The following FAT1 variants were observed in gnomAD, a reference collection of about 807,000 sequenced individuals.
The protein encoded by FAT1 is FAT atypical cadherin 1.
A neutral mutation model predicts 329.8 loss-of-function variants in FAT1; 171 were observed. The observed-to-expected ratio is 0.52, with a 90% CI of 0.46 to 0.59. The LOEUF (loss-of-function observed/expected upper bound fraction) is 0.59. Among genes scored for constraint, FAT1 ranks in the 20% least tolerant of loss-of-function variants. The pLI is 0.00. For synonymous variants in FAT1, 2,233 were observed against 2,228.6 expected (o/e 1.00, Z -0.06); for missense variants, 5,672 against 5,774.4 (o/e 0.98, Z 0.57).
At chr4:186,591,636 C>A (rs1738243324) in intron 26 of FAT1, among the ~76,000 whole-genome samples, 1 of 152,174 alleles carries the variant, frequency 6.6e-6, no homozygotes, top group Non-Finnish European at 1.5e-5. Flanking sequence ...ATTTAAAATG[C>A]TGAAGGTCAT....
intron 16 of FAT1, among the ~76,000 whole-genome samples, chr4:186,607,145 T>C (rs116341286): frequency 0.012 from 1,808 of 152,344 alleles, 37 homozygotes; most frequent in African/African-American, 0.042. Context: ...AGGTATCTCA[T>C]CACTATCTCC....
intron 4 of FAT1, 109 bp downstream of exon 4, chr4:186,639,613 A>G (rs961881383): frequency 1.4e-6 from 1 of 728,404 alleles, no homozygotes; most frequent in Non-Finnish European, 2.2e-6. Flanking sequence ...ATATTAATAC[A>G]ACAAAATATT....
intron 2 of FAT1, among the ~76,000 whole-genome samples, chr4:186,666,132 A>C (rs750643288): frequency 9.2e-5 from 14 of 151,928 alleles, no homozygotes; most frequent in African/African-American, 3.4e-4. Context: ...ACATGTATAC[A>C]TATGTAACAA....
rs917212725 is a variant in FAT1 at position 186,639,910 on chromosome 4, G to C, written c.3581-127C>G. 4 of 714,636 alleles carry C rather than the reference G, an allele frequency of 5.6e-6. No individual in the cohort carries two copies. In the African/African-American group the frequency reaches 7.2e-5, roughly 13 times the overall value. 44.3% of individuals were successfully genotyped at this position (714,636 alleles called of 1,614,324 possible). ...TAATCCCAGCACTTTGGGAGGCCCA[G>C]GGGGGTGGATTACTTAAGGTCAGGA... On this transcript the variant is annotated intron_variant, in intron 3 of 26. Coordinates refer to ENST00000441802, the MANE Select transcript of FAT1 (RefSeq NM_005245.4).
chr4:186,636,312 GT>G, intron 5 of FAT1, 77 bp from the exon 6 acceptor site: 1 of 1,377,354 alleles, frequency 7.3e-7, no homozygotes, highest in South Asian at 1.2e-5. Context: ...GCACAGACTG[GT>G]TTGGTCTTAA....
Position 186,603,385 on chromosome 4 carries a change from T to A in FAT1, c.11141A>T (p.Lys3714Met), listed in dbSNP as rs780196845. 2 of 1,613,898 alleles carry A rather than the reference T, an allele frequency of 1.2e-6. No homozygotes were observed. The highest frequency in any genetic ancestry group is 1.3e-5 in the African/African-American group (1 of 74,922). Residue 3714 changes from lysine to methionine, a missense_variant, in exon 19 of 27, where the codon AAG (lysine) becomes ATG (methionine). Physicochemically the swap from Lys to Met is moderately conservative, Grantham distance 95. Coordinates refer to ENST00000441802, the MANE Select transcript of FAT1 (RefSeq NM_005245.4). Reference sequence around the variant, plus strand: ...AATGTCAGTCACGGAAGAGTTAATCTTGTGCAGAAGTTGTTTTGTTGAGAT... The same window carrying A: ...AATGTCAGTCACGGAAGAGTTAATCATGTGCAGAAGTTGTTTTGTTGAGAT... ...AQISTKQLLHKINSSVTDIEE... is the reference protein window; with the variant it reads ...AQISTKQLLHMINSSVTDIEE...
At chr4:186,644,138 C>A (rs1048977344) in intron 3 of FAT1, among the ~76,000 whole-genome samples, 1 of 152,030 alleles carries the variant, frequency 6.6e-6, no homozygotes, top group Non-Finnish European at 1.5e-5. Context: ...CTCAGATGAG[C>A]GTTTTTTTCT....
At position 186,698,626 on chromosome 4, in the gene FAT1, C is replaced by T. The variant is rs73873701; in HGVS notation, c.3265+7937G>A. ...TGCCCAAAGGCAGGGAGACAGAAAACGGCGAGGCACAGAGGGGTAGAGGGC... is the reference window on the plus strand; with the variant it reads ...TGCCCAAAGGCAGGGAGACAGAAAATGGCGAGGCACAGAGGGGTAGAGGGC... On this transcript the variant is annotated intron_variant, in intron 2 of 26. Coordinates refer to ENST00000441802, the MANE Select transcript of FAT1 (RefSeq NM_005245.4). Among the ~76,000 whole-genome samples the T allele has an allele frequency of 8.9e-3, 1,361 of 152,266 alleles. 17 individuals are homozygous for T. The highest frequency in any genetic ancestry group is 0.03 in the African/African-American group (1,245 of 41,546).
intron 3 of FAT1, among the ~76,000 whole-genome samples, chr4:186,651,932 G>A (rs909914034): frequency 4.6e-5 from 7 of 152,184 alleles, no homozygotes; most frequent in Non-Finnish European, 8.8e-5. Context: ...TACTGGTGCC[G>A]GCAGGATTAG....
intron 2 of FAT1, among the ~76,000 whole-genome samples, chr4:186,689,509 C>CGA (rs1220185649): frequency 2.0e-5 from 3 of 152,028 alleles, no homozygotes; most frequent in Non-Finnish European, 2.9e-5. Context: ...TTAACCAAAG[C>CGA]GAGAGAGAGT....
In FAT1 at chr4:186,620,321, C is replaced by T. The variant is rs76613365; in HGVS notation, c.6265G>A (p.Val2089Ile). 325 of 1,613,998 alleles carry T rather than the reference C, an allele frequency of 2.0e-4. 1 individual carries two copies. The East Asian group carries it at 2.2e-3, about 11-fold the overall frequency. ...PVFVNLPYYA[V>I]VKVDTEVGHV... ...CCCACCTCAGTGTCCACTTTAACAA[C>T]GGCGTAGTAGGGAAGGTTGACAAAC... Residue 2089 changes from valine to isoleucine, a missense_variant, in exon 10 of 27, where the codon GTT becomes ATT. Around this residue, in one of 2 missense-constraint regions of FAT1, gnomAD observed 3,966 missense variants for 3,915.2 expected, o/e 1.01. Coordinates refer to ENST00000441802, the MANE Select transcript of FAT1 (RefSeq NM_005245.4).
At chr4:186,723,939 T>C (rs1745602494), upstream of FAT1, 1 of 150,804 alleles carries the variant, frequency 6.6e-6, no homozygotes, top group Admixed American at 6.6e-5. Flanking sequence ...TCGAGCCCAC[T>C]TTCCCCGGCT....
chr4:186,671,303 AAAT>A lies in FAT1; in HGVS notation c.3266-7693_3266-7691del, dbSNP rs1302674069. ...CTAATTCAAAATATAATTTACTGTA[AAAT>A]AATAAAAAAATATTACTTGTTTTGC... is the stretch of plus-strand genomic sequence containing the variant. On this transcript the variant is annotated intron_variant, in intron 2 of 26. Coordinates refer to ENST00000441802, the MANE Select transcript of FAT1 (RefSeq NM_005245.4). Among the ~76,000 whole-genome samples, 5 of 152,308 alleles carry A rather than the reference AAAT, an allele frequency of 3.3e-5. No individual in the cohort carries two copies. The East Asian group carries it at 5.8e-4, about 18-fold the overall frequency.
chr4:186,628,060 G>A, intron 9 of FAT1, 94 bp downstream of exon 9: 2 of 1,340,598 alleles, frequency 1.5e-6, no homozygotes, highest in South Asian at 2.6e-5. Context: ...CAGATACATA[G>A]AAATGCTTCA....
At chr4:186,716,236 CAT>C (rs1389504480) in intron 1 of FAT1, among the ~76,000 whole-genome samples, 1 of 152,152 alleles carries the variant, frequency 6.6e-6, no homozygotes, top group Non-Finnish European at 1.5e-5. Context: ...TTTCATTTCA[CAT>C]GTTATGATAA....
At chr4:186,690,288 C>T (rs551425549) in intron 2 of FAT1, among the ~76,000 whole-genome samples, 17 of 152,242 alleles carry the variant, frequency 1.1e-4, no homozygotes, top group African/African-American at 4.1e-4. Context: ...AGAAACAAAA[C>T]CATTCCCACC....
chr4:186,588,810 C>T lies in FAT1; in HGVS notation c.13549G>A (p.Ala4517Thr), dbSNP rs764624079. The change falls in exon 27 of 27, where the codon GCC (alanine) becomes ACC (threonine). Residue 4517 changes from alanine (A) to threonine (T), a missense_variant. Ala to Thr is a moderately conservative substitution (Grantham distance 58). This residue lies in a region of FAT1 where 1,706 missense variants were observed against 1,859.1 expected (regional missense o/e 0.92). Coordinates refer to ENST00000441802, the MANE Select transcript of FAT1 (RefSeq NM_005245.4). ...CTTTGATACCCTGGCGGGTAAGGGG[C>T]ATGGGGTTCTCTACAAGTACTATTC... is the stretch of plus-strand genomic sequence containing the variant. ...GENSTCREPH[A>T]PYPPGYQRHF... 1 of 1,614,010 alleles carries T rather than the reference C, an allele frequency of 6.2e-7. No individual in the cohort carries two copies. The highest frequency in any genetic ancestry group is 8.5e-7 in the Non-Finnish European group (1 of 1,179,906).
chr4:186,726,082 A>G (rs575855036), upstream of FAT1, among the ~76,000 whole-genome samples: 1 of 152,350 alleles, frequency 6.6e-6, no homozygotes, highest in East Asian at 1.9e-4. Flanking sequence ...TTGCTATAAT[A>G]AGTTACATTC....
In FAT1 at chr4:186,588,129, TAA is replaced by T. The variant is rs11339670; in HGVS notation, c.*461_*462del. ...AGACAGAATGAAACCCTGGTTATAG[TAA>T]AAAAAAAAAAATCAGGGTGCTAGAT... is the stretch of plus-strand genomic sequence containing the variant. On this transcript the variant is annotated 3_prime_UTR_variant, in exon 27 of 27. Transcript: ENST00000441802. 3,354 of 199,900 alleles carry T rather than the reference TAA, an allele frequency of 0.017. No homozygotes were observed. Among genetic ancestry groups the T allele is most frequent in the East Asian group, 0.045 (532 of 11,718 alleles). 12.4% of individuals were successfully genotyped at this position (199,900 alleles called of 1,614,324 possible).
Sources: allele counts gnomAD v4.1 joint callset (sites outside exome capture counted in the v4.1 genomes callset), GRCh38; gene constraint gnomAD v4.1.1; regional missense constraint gnomAD v4.1.1; transcripts MANE v1.5; gene names NCBI Gene and HGNC (gene_info 2026-07-23, HGNC 2026-07-21).